Variants in CHN2 observed in about 807,000 individuals in gnomAD.
The protein encoded by CHN2 is chimerin 2, also known as beta-chimaerin.
A neutral mutation model predicts 56.3 loss-of-function variants in CHN2; 35 were observed. The observed-to-expected ratio is 0.62, with a 90% CI of 0.47 to 0.82. CHN2 has a LOEUF of 0.82. CHN2 is among the 40% of genes least tolerant of loss of function. The pLI, the probability that CHN2 is intolerant of heterozygous loss-of-function variation, is 0.00. For synonymous variants in CHN2, 210 were observed against 212.8 expected (o/e 0.99, Z 0.12); for missense variants, 491 against 580.5 (o/e 0.85, Z 1.58).
intron 1 of CHN2, among the ~76,000 whole-genome samples, chr7:29,303,787 T>C (rs1793915182): frequency 6.6e-6 from 1 of 152,212 alleles, no homozygotes; most frequent in African/African-American, 2.4e-5. Context: ...AGGCCGGGCA[T>C]GGTGGCTCAC....
intron 1 of CHN2, among the ~76,000 whole-genome samples, chr7:29,210,487 T>C (rs1011469447): frequency 2.6e-5 from 4 of 152,234 alleles, no homozygotes; most frequent in East Asian, 1.9e-4. Flanking sequence ...TTATTTACCA[T>C]GTTCCAGATT....
chr7:29,198,006 ACTTT>A (rs1390157846), intron 1 of CHN2: 3 of 456,114 alleles, frequency 6.6e-6, no homozygotes, highest in Admixed American at 4.7e-5. Flanking sequence ...CATTATTTTG[ACTTT>A]CTTTCTTGGG....
chr7:29,211,951 T>G (rs992633478), intron 1 of CHN2, among the ~76,000 whole-genome samples: 4 of 152,206 alleles, frequency 2.6e-5, no homozygotes, highest in African/African-American at 9.6e-5. Context: ...AACGAACCTC[T>G]TACCATCCAA....
chr7:29,413,052 G>T (rs1269896378), intron 6 of CHN2, among the ~76,000 whole-genome samples: 1 of 152,084 alleles, frequency 6.6e-6, no homozygotes, highest in African/African-American at 2.4e-5. Context: ...TACTCATTTT[G>T]CAATAAAAAA....
chr7:29,163,915 C>G (rs1352968556), intron 2 of CHN2, among the ~76,000 whole-genome samples: 1 of 152,192 alleles, frequency 6.6e-6, no homozygotes. Flanking sequence ...TGTCCATTTA[C>G]TTGTTCAAGG....
At chr7:29,372,038 G>A (rs1307694457) in intron 3 of CHN2, among the ~76,000 whole-genome samples, 4 of 151,686 alleles carry the variant, frequency 2.6e-5, no homozygotes, top group East Asian at 1.9e-4. Flanking sequence ...AATCATCATC[G>A]TTAAATATAA....
intron 6 of CHN2, chr7:29,445,110 T>C (rs1298163159): frequency 2.2e-6 from 1 of 455,962 alleles, no homozygotes; most frequent in South Asian, 1.5e-5. Context: ...TCCTCCACGC[T>C]TTCTTCTGGA....
chr7:29,377,547 C>G (rs915744822), intron 3 of CHN2, among the ~76,000 whole-genome samples: 1 of 152,190 alleles, frequency 6.6e-6, no homozygotes, highest in Non-Finnish European at 1.5e-5. Context: ...TTCCAAGATG[C>G]TAGTTTCTTC....
intron 3 of CHN2, among the ~76,000 whole-genome samples, chr7:29,379,640 A>G (rs1472755883): frequency 6.6e-6 from 1 of 152,210 alleles, no homozygotes; most frequent in African/African-American, 2.4e-5. Context: ...TTCTGTATGT[A>G]TGAAAATTTT....
chr7:29,442,958 G>T (rs1783768989), intron 6 of CHN2, among the ~76,000 whole-genome samples: 1 of 61,350 alleles, frequency 1.6e-5, no homozygotes, highest in Non-Finnish European at 3.1e-5. Context: ...TTTTGAGACG[G>T]AGTCTCGCTC....
intron 2 of CHN2, among the ~76,000 whole-genome samples, chr7:29,150,831 C>T (rs745971101): frequency 2.2e-4 from 33 of 152,062 alleles, no homozygotes; most frequent in Non-Finnish European, 2.9e-4. Context: ...AGAGGCACAG[C>T]GAAAAGAGAA....
chr7:29,401,070 C>A (rs1218795489), intron 6 of CHN2: 1 of 490,030 alleles, frequency 2.0e-6, no homozygotes, highest in Non-Finnish European at 3.7e-6. Flanking sequence ...AGATAGAGAC[C>A]ATCCTGGCTA....
At chr7:29,185,396 A>G (rs1017893627) in intron 2 of CHN2, 4 of 152,088 alleles carry the variant, frequency 2.6e-5, no homozygotes, top group Admixed American at 1.3e-4. Flanking sequence ...ATTTTATTCT[A>G]TTTTCTCATA....
At chr7:29,273,128 G>T (rs7808073) in intron 1 of CHN2, among the ~76,000 whole-genome samples, 1 of 150,850 alleles carries the variant, frequency 6.6e-6, no homozygotes, top group African/African-American at 2.4e-5. Context: ...ACCCTTTACC[G>T]CCTACTCATG....
At chr7:29,294,586 G>T (rs1220026870) in intron 1 of CHN2, among the ~76,000 whole-genome samples, 1 of 152,166 alleles carries the variant, frequency 6.6e-6, no homozygotes, top group Non-Finnish European at 1.5e-5. Context: ...AAGCAGCTGA[G>T]ATCTTAAGTC....
chr7:29,415,759 G>A (rs1025519444), intron 6 of CHN2, among the ~76,000 whole-genome samples: 2 of 152,166 alleles, frequency 1.3e-5, no homozygotes, highest in Non-Finnish European at 2.9e-5. Context: ...TTGGTGGCAG[G>A]GTAGAGGATG....
At chr7:29,504,224 C>CA (rs1271277618) in intron 9 of CHN2, among the ~76,000 whole-genome samples, 1 of 152,108 alleles carries the variant, frequency 6.6e-6, no homozygotes, top group Admixed American at 6.6e-5. Flanking sequence ...TACAGTGCTA[C>CA]ATACAATATA....
At chr7:29,413,040 A>G (rs536081735) in intron 6 of CHN2, among the ~76,000 whole-genome samples, 126 of 152,300 alleles carry the variant, frequency 8.3e-4, no homozygotes, top group African/African-American at 2.4e-3. Context: ...CAGAACTGGC[A>G]TTACTCATTT....
At chr7:29,378,919 CGCACCACTGCACTCCA>C (rs757461223) in intron 3 of CHN2, among the ~76,000 whole-genome samples, 8 of 152,128 alleles carry the variant, frequency 5.3e-5, no homozygotes, top group Non-Finnish European at 1.0e-4. Context: ...GAGCCGAGAT[CGCACCACTGCACTCCA>C]GCCTGGAGAC....
Sources: gnomAD v4.1 joint callset for allele counts (sites outside exome capture counted in the v4.1 genomes callset) on GRCh38, gnomAD v4.1.1 for gene constraint, MANE v1.5 for transcripts, NCBI Gene and HGNC (gene_info 2026-07-23, HGNC 2026-07-21) for gene names.